Variants in PSMD3 observed in about 807,000 individuals in gnomAD.
PSMD3 encodes the protein 26S proteasome non-ATPase regulatory subunit 3.
PSMD3 carries 5 observed loss-of-function variants against 62.8 expected under a neutral mutation model. The observed-to-expected ratio is 0.08, with a 90% CI of 0.04 to 0.17. The LOEUF (loss-of-function observed/expected upper bound fraction) is 0.17. Ranked by LOEUF, PSMD3 falls within the 10% of genes least tolerant of loss-of-function variation. PSMD3 has a pLI of 1.00. For synonymous variants in PSMD3, 265 were observed against 283.9 expected (o/e 0.93, Z 0.67); for missense variants, 524 against 713.6 (o/e 0.73, Z 3.03).
At chr17:39,991,228 C>G (rs890006308) in intron 6 of PSMD3, among the ~76,000 whole-genome samples, 7 of 152,224 alleles carry the variant, frequency 4.6e-5, no homozygotes, top group East Asian at 3.9e-4. Context: ...CATCTTGGCT[C>G]ACTGCAACCC....
In PSMD3 at chr17:39,996,391, C is replaced by G. The variant is rs562522310; in HGVS notation, c.1476+53C>G. ...GCCTGGCAGCAGCACACCCCTCCCTCCACACTCATGGATTCCTCAGAGAAG... is the reference window on the plus strand; with the variant it reads ...GCCTGGCAGCAGCACACCCCTCCCTGCACACTCATGGATTCCTCAGAGAAG... On this transcript the variant is annotated intron_variant, in intron 10 of 11. Transcript: ENST00000264639. The surrounding 1 kb of genome is among the most constrained non-coding windows in gnomAD (Gnocchi z 5.1). 24 of 1,583,604 alleles carry G rather than the reference C, an allele frequency of 1.5e-5. 2 individuals are homozygous for G. The South Asian group carries it at 2.6e-4, about 17-fold the overall frequency.
rs188606530 is a variant in PSMD3 at position 39,984,250 on chromosome 17, C to G, written c.221-44C>G. The G allele has an allele frequency of 4.8e-4, 634 of 1,321,774 alleles. 6 individuals are homozygous for G. In the African/African-American group the frequency reaches 8.6e-3, roughly 18 times the overall value. 81.9% of individuals were successfully genotyped at this position (1,321,774 alleles called of 1,614,324 possible). A position where few individuals can be genotyped will look rare whatever the true frequency, so the allele number is the denominator to read the frequency against. On this transcript the variant is annotated intron_variant, in intron 1 of 11. Transcript: ENST00000264639. ...ACTCCTTGCCTGGAGTGGTGGGGGACTAGGAGTGAAAGTGACATCATTTTC... is the reference window on the plus strand; with the variant it reads ...ACTCCTTGCCTGGAGTGGTGGGGGAGTAGGAGTGAAAGTGACATCATTTTC...
At chr17:39,988,160 G>A (rs530641103) in intron 3 of PSMD3, among the ~76,000 whole-genome samples, 5 of 152,246 alleles carry the variant, frequency 3.3e-5, no homozygotes, top group Admixed American at 2.6e-4. Flanking sequence ...TCCCAAAGTT[G>A]TATATCCACC....
chr17:39,990,327 T>G (rs1372241877), intron 6 of PSMD3, 130 bp downstream of exon 6: 4 of 776,694 alleles, frequency 5.2e-6, no homozygotes, highest in Non-Finnish European at 4.1e-6. Context: ...CTTCCCAAAG[T>G]GCTGGGATCA....
At chr17:39,994,728 C>T (rs761677159) in intron 6 of PSMD3, 42 of 560,904 alleles carry the variant, frequency 7.5e-5, no homozygotes, top group Non-Finnish European at 1.2e-4. Context: ...GACGGCTCTG[C>T]GACCAAATGT....
At chr17:39,987,492 A>C (rs1227899369) in intron 3 of PSMD3, among the ~76,000 whole-genome samples, 1 of 152,172 alleles carries the variant, frequency 6.6e-6, no homozygotes, top group Non-Finnish European at 1.5e-5. Context: ...GACTACAGGC[A>C]TGTGCCACCA....
intron 6 of PSMD3, among the ~76,000 whole-genome samples, chr17:39,990,698 T>G (rs1342115023): frequency 2.0e-5 from 3 of 152,198 alleles, no homozygotes; most frequent in Non-Finnish European, 4.4e-5. Flanking sequence ...GTTTAGAATA[T>G]TCCTGATTCC....
chr17:39,991,742 G>A (rs1318724242), intron 6 of PSMD3, among the ~76,000 whole-genome samples: 1 of 152,118 alleles, frequency 6.6e-6, no homozygotes, highest in Non-Finnish European at 1.5e-5. Context: ...AAGAGAAAGG[G>A]TCTTAAAGAA....
At chr17:39,990,346 A>G (rs1430133139) in intron 6 of PSMD3, 149 bp downstream of exon 6, 4 of 665,322 alleles carry the variant, frequency 6.0e-6, no homozygotes, top group Non-Finnish European at 1.0e-5. Context: ...CACAGGTATG[A>G]GCCACCATGC....
rs186927483 is a variant in PSMD3, at chr17:39,989,186, G to A, written c.686+367G>A. Among the ~76,000 whole-genome samples, 70 of 152,260 alleles carry A rather than the reference G, an allele frequency of 4.6e-4. 1 individual carries two copies. Among genetic ancestry groups the A allele is most frequent in the African/African-American group, 1.5e-3 (63 of 41,544 alleles). ...CAAAGTCCTTACAATACCTCATAAG[G>A]CCTGACGTGATCTGCTCCATTTTGA... is the stretch of plus-strand genomic sequence containing the variant. On this transcript the variant is annotated intron_variant, in intron 4 of 11. Coordinates refer to ENST00000264639, the MANE Select transcript of PSMD3 (RefSeq NM_002809.4).
intron 10 of PSMD3, 36 bp from the exon 11 acceptor site, chr17:39,997,294 T>C (rs1254925002): frequency 4.4e-6 from 7 of 1,609,084 alleles, no homozygotes; most frequent in Non-Finnish European, 5.1e-6. Flanking sequence ...ACCTGCTTCC[T>C]TCCCTCGCTC....
intron 2 of PSMD3, among the ~76,000 whole-genome samples, chr17:39,985,792 CAG>C (rs1290175570): frequency 1.3e-5 from 2 of 152,212 alleles, no homozygotes; most frequent in African/African-American, 4.8e-5. Flanking sequence ...TTTCCAGTGT[CAG>C]TGACAACATA....
At chr17:39,992,570 C>T (rs1332661718) in intron 6 of PSMD3, among the ~76,000 whole-genome samples, 1 of 152,210 alleles carries the variant, frequency 6.6e-6, no homozygotes, top group East Asian at 1.9e-4. Flanking sequence ...GGTCAGCTAG[C>T]ATTCATTCCT....
intron 3 of PSMD3, among the ~76,000 whole-genome samples, chr17:39,987,768 C>A (rs1598312691): frequency 1.0e-5 from 1 of 98,110 alleles, no homozygotes; most frequent in Admixed American, 8.9e-5. Context: ...CAGGCACGTG[C>A]CACTGTACTT....
chr17:39,982,234 A>G (rs1008985720), intron 1 of PSMD3, among the ~76,000 whole-genome samples: 1 of 152,214 alleles, frequency 6.6e-6, no homozygotes, highest in Non-Finnish European at 1.5e-5. Context: ...TTTTACCTAA[A>G]GTAGTGGCAG....
intron 6 of PSMD3, among the ~76,000 whole-genome samples, chr17:39,991,432 A>G (rs1980653155): frequency 6.6e-6 from 1 of 152,230 alleles, no homozygotes; most frequent in Non-Finnish European, 1.5e-5. Flanking sequence ...CTGGGATTAC[A>G]GGCGTGAGCC....
At position 39,997,793 on chromosome 17, in the gene PSMD3, G is replaced by A. The variant is rs767308828; in HGVS notation, c.*212G>A. On this transcript the variant is annotated 3_prime_UTR_variant, in exon 12 of 12. Coordinates refer to ENST00000264639, the MANE Select transcript of PSMD3 (RefSeq NM_002809.4). ...TGTACAGCAGGCAGGAGGGTGGGCA[G>A]GCAACCTCCCCGGGCAGGGTCCTGG... 4 of 609,970 alleles carry A rather than the reference G, an allele frequency of 6.6e-6. 1 individual carries two copies. Among genetic ancestry groups the A allele is most frequent in the South Asian group, 5.9e-5 (3 of 51,104 alleles). 37.8% of individuals were successfully genotyped at this position (609,970 alleles called of 1,614,324 possible).
Position 39,995,320 on chromosome 17 carries a change from G to A in PSMD3, c.1216+25G>A, listed in dbSNP as rs779310845. ...GGTGTGGATCAGGATCTGAGGGGCTGTTGGAGGAGCAGAAGCCAGGCCAGG... is the reference window on the plus strand; with the variant it reads ...GGTGTGGATCAGGATCTGAGGGGCTATTGGAGGAGCAGAAGCCAGGCCAGG... On this transcript the variant is annotated intron_variant, in intron 8 of 11. Transcript: ENST00000264639. This position sits in a 1 kb window ranked among gnomAD's most constrained non-coding sequence, Gnocchi z 4.1. The A allele has an allele frequency of 1.9e-6, 3 of 1,614,080 alleles. No individual in the cohort carries two copies. Among genetic ancestry groups the A allele is most frequent in the Admixed American group, 1.7e-5 (1 of 60,018 alleles).
rs1980761888 is a variant in PSMD3, at chr17:39,995,509, A to C, written c.1302A>C (p.Ala434=). Residue 434 remains alanine, a synonymous_variant, in exon 9 of 12, where the codon GCA becomes GCC. Transcript: ENST00000264639. The surrounding 1 kb of genome is among the most constrained non-coding windows in gnomAD (Gnocchi z 4.1). Reference sequence around the variant, plus strand: ...TGCAGTTGGATAGCCCCGAAGATGCAGAGTTCATTGTTGCCAAGGTGGGGC... The same window carrying C: ...TGCAGTTGGATAGCCCCGAAGATGCCGAGTTCATTGTTGCCAAGGTGGGGC... The part of the protein sequence containing the change: ...QKLQLDSPED[A]EFIVAKAIRD... The C allele has an allele frequency of 6.2e-7, 1 of 1,613,630 alleles. No homozygotes were observed. The highest frequency in any genetic ancestry group is 1.3e-5 in the African/African-American group (1 of 74,912).
Sources: gnomAD v4.1 joint callset for allele counts (sites outside exome capture counted in the v4.1 genomes callset) on GRCh38, gnomAD v4.1.1 for gene constraint, Gnocchi (gnomAD v3.1) non-coding constraint, MANE v1.5 for transcripts, NCBI Gene and HGNC (gene_info 2026-07-23, HGNC 2026-07-21) for gene names.